Variants in TXNDC16 observed in about 807,000 individuals in gnomAD.
TXNDC16 encodes the protein thioredoxin domain containing 16.
Under a neutral mutation model 85.6 loss-of-function variants are expected in TXNDC16, and 74 were observed. The ratio of observed to expected loss-of-function variants is 0.86; its 90% CI spans 0.72 to 1.05. The LOEUF (loss-of-function observed/expected upper bound fraction) is 1.05. Among genes scored for constraint, TXNDC16 ranks in the 50% least tolerant of loss-of-function variants. The pLI is 0.00. For synonymous variants in TXNDC16, 335 were observed against 326.5 expected, an observed-to-expected ratio of 1.03 and a Z score of -0.28; for missense variants, 959 against 947.0, an observed-to-expected ratio of 1.01 and a Z score of -0.17.
chr14:52,529,638 C>T (rs1405159257), intron 6 of TXNDC16, among the ~76,000 whole-genome samples: 2 of 85,176 alleles, frequency 2.3e-5, no homozygotes, highest in African/African-American at 1.1e-4. Context: ...ATATATAATG[C>T]CTATTATATA....
chr14:52,532,051 T>C (rs756375493), intron 6 of TXNDC16, among the ~76,000 whole-genome samples: 7 of 152,124 alleles, frequency 4.6e-5, no homozygotes, highest in Non-Finnish European at 1.0e-4. Flanking sequence ...AAGGGAAAGG[T>C]AGTACAACTT....
At chr14:52,462,812 C>G in intron 16 of TXNDC16, 1 of 390,434 alleles carries the variant, frequency 2.6e-6, no homozygotes, top group Middle Eastern at 8.6e-4. Flanking sequence ...TTTAAATTAC[C>G]TTTAGTAACA....
At chr14:52,476,668 C>T (rs1443680286) in intron 14 of TXNDC16, among the ~76,000 whole-genome samples, 2 of 152,054 alleles carry the variant, frequency 1.3e-5, no homozygotes, top group Non-Finnish European at 2.9e-5. Flanking sequence ...TGAACAAAGC[C>T]TCCAAGAATT....
chr14:52,459,813 A>C (rs944477294), intron 16 of TXNDC16, among the ~76,000 whole-genome samples: 2 of 152,202 alleles, frequency 1.3e-5, no homozygotes, highest in Non-Finnish European at 2.9e-5. Context: ...TAAAGACAAA[A>C]ATCACATGAT....
chr14:52,451,231 T>A, intron 18 of TXNDC16, among the ~76,000 whole-genome samples: 1 of 145,396 alleles, frequency 6.9e-6, no homozygotes. Flanking sequence ...TGTAACCAAA[T>A]CCCACTTGTT....
chr14:52,514,833 AG>A, intron 8 of TXNDC16, 46 bp downstream of exon 8: 1 of 1,295,380 alleles, frequency 7.7e-7, no homozygotes, highest in Non-Finnish European at 1.1e-6. Flanking sequence ...TAAGTGAAGA[AG>A]AAAAAAAAAA....
chr14:52,492,538 T>G (rs1006467680), intron 9 of TXNDC16, among the ~76,000 whole-genome samples: 3 of 152,186 alleles, frequency 2.0e-5, no homozygotes, highest in African/African-American at 7.2e-5. Flanking sequence ...TGTGTGAGAA[T>G]CTGCAACAGT....
At chr14:52,549,392 C>T (rs1185847524) in intron 1 of TXNDC16, among the ~76,000 whole-genome samples, 1 of 152,148 alleles carries the variant, frequency 6.6e-6, no homozygotes, top group Non-Finnish European at 1.5e-5. Context: ...AAAGCGTGCA[C>T]ATAAAATGTT....
intron 1 of TXNDC16, among the ~76,000 whole-genome samples, chr14:52,548,253 G>T (rs112600879): frequency 6.6e-6 from 1 of 152,150 alleles, no homozygotes. Flanking sequence ...TTTAAAGAAG[G>T]GGTCGGGGGC....
intron 6 of TXNDC16, among the ~76,000 whole-genome samples, chr14:52,520,380 T>C (rs761026911): frequency 6.6e-6 from 1 of 152,164 alleles, no homozygotes; most frequent in East Asian, 1.9e-4. Flanking sequence ...TCCCAGCACT[T>C]TGGGAGGCCG....
chr14:52,545,081 G>A (rs896689128), intron 1 of TXNDC16, among the ~76,000 whole-genome samples: 8 of 152,042 alleles, frequency 5.3e-5, no homozygotes, highest in Non-Finnish European at 1.0e-4. Context: ...TACTATATAT[G>A]AAATAACTAT....
At chr14:52,440,539 T>C in intron 19 of TXNDC16, 25 bp downstream of exon 19, 1 of 1,529,490 alleles carries the variant, frequency 6.5e-7, no homozygotes, top group South Asian at 1.3e-5. Context: ...ACCTCTTACA[T>C]ATTAAAAAAT....
At chr14:52,499,348 A>G (rs2036603491) in intron 9 of TXNDC16, among the ~76,000 whole-genome samples, 1 of 152,172 alleles carries the variant, frequency 6.6e-6, no homozygotes, top group African/African-American at 2.4e-5. Flanking sequence ...TAAAAAGACA[A>G]CTGAATGAGA....
At chr14:52,465,863 C>T (rs770550489) in intron 16 of TXNDC16, among the ~76,000 whole-genome samples, 16 of 152,030 alleles carry the variant, frequency 1.1e-4, no homozygotes, top group Non-Finnish European at 2.2e-4. Flanking sequence ...TTGTTATAAG[C>T]ATATCAAAGT....
At chr14:52,526,043 C>T (rs772759842) in intron 6 of TXNDC16, among the ~76,000 whole-genome samples, 24 of 151,616 alleles carry the variant, frequency 1.6e-4, no homozygotes, top group Admixed American at 2.6e-4. Flanking sequence ...ATTTTTGATC[C>T]GCTTATGGTT....
chr14:52,454,457 C>T (rs750761874), intron 18 of TXNDC16, among the ~76,000 whole-genome samples: 1 of 148,998 alleles, frequency 6.7e-6, no homozygotes, highest in Non-Finnish European at 1.5e-5. Flanking sequence ...GCTCATGTAA[C>T]CCATAAATAT....
intron 7 of TXNDC16, among the ~76,000 whole-genome samples, chr14:52,515,605 C>G (rs2037062374): frequency 6.6e-6 from 1 of 151,628 alleles, no homozygotes; most frequent in Non-Finnish European, 1.5e-5. Flanking sequence ...TCCCAAGGGA[C>G]AAGCACTTTC....
intron 9 of TXNDC16, among the ~76,000 whole-genome samples, chr14:52,508,770 C>T (rs2036880390): frequency 1.3e-5 from 2 of 152,124 alleles, no homozygotes; most frequent in South Asian, 2.1e-4. Context: ...TTTGTAGGGA[C>T]ATGGATGAAG....
intron 17 of TXNDC16, among the ~76,000 whole-genome samples, chr14:52,455,869 T>C (rs1446717120): frequency 6.6e-6 from 1 of 152,166 alleles, no homozygotes; most frequent in Non-Finnish European, 1.5e-5. Context: ...TTCAATTATG[T>C]TTTTATTTAA....
Sources: allele counts gnomAD v4.1 joint callset (sites outside exome capture counted in the v4.1 genomes callset), GRCh38; gene constraint gnomAD v4.1.1; transcripts MANE v1.5; gene names NCBI Gene and HGNC (gene_info 2026-07-23, HGNC 2026-07-21).